DNAH14: variants seen among roughly 807,000 people sequenced by gnomAD.
DNAH14 encodes the protein dynein axonemal heavy chain 14.
A neutral mutation model predicts 520.9 loss-of-function variants in DNAH14; 478 were observed. The ratio of observed to expected loss-of-function variants is 0.92; its 90% confidence interval spans 0.85 to 0.99. The LOEUF (loss-of-function observed/expected upper bound fraction) is 0.99, where lower values mean the gene tolerates loss of function less well. Ranked by LOEUF, DNAH14 falls within the 50% of genes least tolerant of loss-of-function variation. DNAH14 has a pLI of 0.00. For synonymous variants in DNAH14, 1,581 were observed against 1,757.2 expected, an observed-to-expected ratio of 0.90 and a Z score of 2.51; for missense variants, 4,831 against 5,234.5, an observed-to-expected ratio of 0.92 and a Z score of 2.38.
intron 23 of DNAH14, among the ~76,000 whole-genome samples, chr1:225,102,775 A>G (rs897887059): frequency 1.3e-5 from 2 of 152,134 alleles, no homozygotes; most frequent in African/African-American, 4.8e-5. Flanking sequence ...AGTTCATTGT[A>G]GATTCTGGAT....
rs2149139058 is a variant in DNAH14 at position 225,159,397 on chromosome 1, C to T, written c.5357C>T (p.Pro1786Leu). 4 of 1,550,876 alleles carry T rather than the reference C, an allele frequency of 2.6e-6. No individual in the cohort carries two copies. The highest frequency in any genetic ancestry group is 2.4e-5 in the South Asian group (2 of 83,782). The change falls in exon 35 of 86, where the codon CCT becomes CTT. Residue 1786 changes from proline (P) to leucine (L), a missense_variant. By Grantham distance (98) the Pro-to-Leu change is moderately conservative. Coordinates refer to ENST00000682510, the MANE Select transcript of DNAH14 (RefSeq NM_001367479.1). ...AGAGAAGCTAGTTTGCCAAAATGTC[C>T]TCCTGAAGATGTCCCACTTTTTGAA... ...AIREASLPKC[P>L]PEDVPLFENI...
At chr1:225,186,246 TC>T (rs1219840880) in intron 37 of DNAH14, among the ~76,000 whole-genome samples, 9 of 151,946 alleles carry the variant, frequency 5.9e-5, no homozygotes, top group African/African-American at 1.9e-4. Flanking sequence ...GTGGGAAATA[TC>T]CTGCTTCGAG....
intron 38 of DNAH14, among the ~76,000 whole-genome samples, chr1:225,200,531 G>A (rs2086684649): frequency 6.6e-6 from 1 of 152,196 alleles, no homozygotes; most frequent in Middle Eastern, 3.4e-3. Context: ...TGTAGTGCTG[G>A]CTTGGTAGTG....
At chr1:225,240,159 T>C (rs625428) in intron 42 of DNAH14, among the ~76,000 whole-genome samples, 30,837 of 151,884 alleles carry the variant, frequency 0.2, 3,296 homozygotes, top group East Asian at 0.37. Flanking sequence ...ATAATTTCCT[T>C]TTCCAAAATA....
In DNAH14 at chr1:225,085,581, C is replaced by T. The variant is rs535482318; in HGVS notation, c.3365C>T (p.Thr1122Ile). 1.3e-6 allele frequency: 2 copies of T among 1,548,824 alleles called. No homozygotes were observed. The highest frequency in any genetic ancestry group is 1.7e-6 in the Non-Finnish European group (2 of 1,144,686). The change falls in exon 21 of 86, where the codon ACC (threonine) becomes ATC (isoleucine). Residue 1122 changes from threonine to isoleucine, a missense_variant. By Grantham distance (89) the Thr-to-Ile change is moderately conservative. Coordinates refer to ENST00000682510, the MANE Select transcript of DNAH14 (RefSeq NM_001367479.1). ...GAAAATGAAATAAATGATATGTCAA[C>T]CTCAGCAACTAATGAAGCTGCTCTT... is the stretch of plus-strand genomic sequence containing the variant. ...QYENEINDMS[T>I]SATNEAALEK...
In DNAH14 at chr1:225,294,614, AG is replaced by A. The variant is rs2093965136; in HGVS notation, c.8469+4533del. ...GGCAGGCAGATCACCTGAGGTCAAA[AG>A]TTCAAGACCAGCCTGGCCAACATGG... On this transcript the variant is annotated intron_variant, in intron 55 of 85. Transcript: ENST00000682510. 2.0e-5 allele frequency among the ~76,000 whole-genome samples: 3 copies of A among 152,166 alleles called. No homozygotes were observed. In the South Asian group the frequency reaches 6.2e-4, roughly 32 times the overall value.
rs560846801 is a variant in DNAH14, at chr1:225,173,109, C to A, written c.5535+5081C>A. On this transcript the variant is annotated intron_variant, in intron 36 of 85. Coordinates refer to ENST00000682510, the MANE Select transcript of DNAH14 (RefSeq NM_001367479.1). Reference sequence around the variant, plus strand: ...CTTACACCTTATACAAAAATTAATTCAAGATGGATTAAAGACTTAAATGTT... The same window carrying A: ...CTTACACCTTATACAAAAATTAATTAAAGATGGATTAAAGACTTAAATGTT... 8.6e-3 allele frequency among the ~76,000 whole-genome samples: 1,306 copies of A among 152,244 alleles called. 10 individuals carry two copies. Among genetic ancestry groups the A allele is most frequent in the Non-Finnish European group, 0.014 (940 of 68,022 alleles).
intron 8 of DNAH14, among the ~76,000 whole-genome samples, chr1:224,988,363 C>G (rs1403448058): frequency 6.6e-6 from 1 of 152,068 alleles, no homozygotes; most frequent in Non-Finnish European, 1.5e-5. Flanking sequence ...AGTGAACATT[C>G]ATGAAAAAGC....
chr1:225,359,279 A>C (rs1481261460), intron 74 of DNAH14, among the ~76,000 whole-genome samples: 2 of 152,204 alleles, frequency 1.3e-5, no homozygotes, highest in Non-Finnish European at 2.9e-5. Context: ...TTCTGCACAG[A>C]AAATACCTTG....
intron 42 of DNAH14, among the ~76,000 whole-genome samples, chr1:225,237,372 T>G (rs769004609): frequency 6.6e-6 from 1 of 152,166 alleles, no homozygotes; most frequent in Non-Finnish European, 1.5e-5. Context: ...CCTTTGCCTA[T>G]GAAGCTTAGT....
chr1:224,993,550 C>G (rs891736749), intron 8 of DNAH14, among the ~76,000 whole-genome samples: 7 of 151,596 alleles, frequency 4.6e-5, no homozygotes, highest in Non-Finnish European at 1.0e-4. Flanking sequence ...TGTTTTCTCT[C>G]TCATTTTTGA....
intron 5 of DNAH14, among the ~76,000 whole-genome samples, chr1:224,964,826 C>T (rs1341364737): frequency 1.3e-5 from 2 of 152,040 alleles, no homozygotes; most frequent in Non-Finnish European, 2.9e-5. Context: ...AAGTCTATAA[C>T]ACATCAAAAT....
chr1:225,039,391 CTT>C (rs2067244846), intron 12 of DNAH14, among the ~76,000 whole-genome samples: 1 of 141,822 alleles, frequency 7.1e-6, no homozygotes, highest in Non-Finnish European at 1.6e-5. Context: ...CCTAGATAAA[CTT>C]ATTTTTTTTT....
At chr1:225,116,344 T>C (rs900793727) in intron 23 of DNAH14, among the ~76,000 whole-genome samples, 3 of 152,066 alleles carry the variant, frequency 2.0e-5, no homozygotes, top group African/African-American at 7.2e-5. Context: ...ATAGAGTGGA[T>C]TGGGGGCAAT....
At chr1:225,064,027 G>A (rs2070538722) in intron 17 of DNAH14, among the ~76,000 whole-genome samples, 1 of 152,008 alleles carries the variant, frequency 6.6e-6, no homozygotes, top group Non-Finnish European at 1.5e-5. Flanking sequence ...TGGATTTTGT[G>A]TATCTAACAA....
intron 36 of DNAH14, 40 bp from the exon 37 acceptor site, chr1:225,185,251 A>C: frequency 1.3e-6 from 2 of 1,529,172 alleles, no homozygotes; most frequent in South Asian, 2.5e-5. Context: ...ATAAACTTAA[A>C]ATCATTAATG....
intron 60 of DNAH14, among the ~76,000 whole-genome samples, chr1:225,310,951 TG>T (rs1280281256): frequency 6.6e-6 from 1 of 152,150 alleles, no homozygotes; most frequent in African/African-American, 2.4e-5. Flanking sequence ...ATAATCCTTT[TG>T]GTATATACTC....
intron 27 of DNAH14, among the ~76,000 whole-genome samples, chr1:225,139,352 G>C (rs2079226664): frequency 6.6e-6 from 1 of 152,188 alleles, no homozygotes; most frequent in South Asian, 2.1e-4. Flanking sequence ...CCTGTATTCT[G>C]TTTCTAGAAA....
At chr1:225,105,550 C>G (rs886772301) in intron 23 of DNAH14, among the ~76,000 whole-genome samples, 16 of 152,152 alleles carry the variant, frequency 1.1e-4, no homozygotes, top group Non-Finnish European at 1.9e-4. Flanking sequence ...TAAGGACTTG[C>G]TTTATGAATC....
Sources: gnomAD v4.1 joint callset for allele counts (sites outside exome capture counted in the v4.1 genomes callset) on GRCh38, gnomAD v4.1.1 for gene constraint, MANE v1.5 for transcripts, NCBI Gene and HGNC (gene_info 2026-07-23, HGNC 2026-07-21) for gene names.